CNTLN: variants seen among roughly 807,000 people sequenced by gnomAD.
The protein encoded by CNTLN is centlein, centrosomal protein.
In CNTLN, 212 loss-of-function variants were observed where a neutral mutation model predicts 180.0. The observed-to-expected ratio is 1.18, with a 90% confidence interval of 1.05 to 1.32. The LOEUF (loss-of-function observed/expected upper bound fraction) is 1.32. Ranked by LOEUF, CNTLN falls within the 40% of genes most tolerant of loss-of-function variation. CNTLN has a pLI of 0.00. For missense variants in CNTLN, 2,095 were observed against 1,610.9 expected, an observed-to-expected ratio of 1.30 and a Z score of -5.14; for synonymous variants, 722 against 563.1, an observed-to-expected ratio of 1.28 and a Z score of -3.99.
intron 2 of CNTLN, among the ~76,000 whole-genome samples, chr9:17,203,784 C>G (rs1822722558): frequency 6.6e-6 from 1 of 152,164 alleles, no homozygotes; most frequent in Non-Finnish European, 1.5e-5. Flanking sequence ...GTCTTGATCT[C>G]CGGACCTCGT....
At chr9:17,184,702 T>G (rs111331091) in intron 2 of CNTLN, among the ~76,000 whole-genome samples, 3,176 of 152,272 alleles carry the variant, frequency 0.021, 79 homozygotes, top group African/African-American at 0.057. Context: ...CTAGCATAAT[T>G]GCTATTGCAG....
At chr9:17,223,505 C>T (rs1169984462) in intron 2 of CNTLN, among the ~76,000 whole-genome samples, 2 of 151,992 alleles carry the variant, frequency 1.3e-5, no homozygotes, top group Non-Finnish European at 2.9e-5. Flanking sequence ...CTCCATTCTT[C>T]CAGTTGTGTA....
intron 25 of CNTLN, 139 bp downstream of exon 25, chr9:17,487,205 A>G: frequency 1.5e-6 from 1 of 673,274 alleles, no homozygotes; most frequent in South Asian, 1.7e-5. Context: ...CAATAGGTAG[A>G]AAGGAAAGTT....
chr9:17,365,876 G>A (rs1490436744), intron 12 of CNTLN, among the ~76,000 whole-genome samples: 2 of 152,256 alleles, frequency 1.3e-5, no homozygotes, highest in East Asian at 1.9e-4. Context: ...AGCCTGGGAG[G>A]TAGGGGCTGC....
intron 18 of CNTLN, among the ~76,000 whole-genome samples, chr9:17,418,491 A>G (rs969630128): frequency 1.3e-5 from 2 of 151,996 alleles, no homozygotes; most frequent in Non-Finnish European, 2.9e-5. Context: ...TCTACTGGGA[A>G]ATTTTTCAGG....
At chr9:17,482,771 A>G (rs1465906004) in intron 23 of CNTLN, among the ~76,000 whole-genome samples, 1 of 152,214 alleles carries the variant, frequency 6.6e-6, no homozygotes, top group Non-Finnish European at 1.5e-5. Flanking sequence ...GGAACAGAAT[A>G]GAAAGTTCAG....
intron 12 of CNTLN, among the ~76,000 whole-genome samples, chr9:17,359,748 A>AAAAAAAAAAAAAAAAAG (rs1319122261): frequency 7.4e-6 from 1 of 134,752 alleles, no homozygotes; most frequent in Non-Finnish European, 1.6e-5. Flanking sequence ...AAAAAAAAAA[A>AAAAAAAAAAAAAAAAAG]AACTAGCTGG....
At chr9:17,261,306 C>T (rs781258599) in intron 5 of CNTLN, among the ~76,000 whole-genome samples, 2 of 151,442 alleles carry the variant, frequency 1.3e-5, no homozygotes, top group Non-Finnish European at 2.9e-5. Context: ...AATCCATGAG[C>T]ATGGCATATT....
intron 2 of CNTLN, among the ~76,000 whole-genome samples, chr9:17,149,815 C>T (rs1478348240): frequency 6.6e-6 from 1 of 152,078 alleles, no homozygotes; most frequent in Non-Finnish European, 1.5e-5. Flanking sequence ...CTGCACCTGG[C>T]CTGTTTCCTG....
intron 2 of CNTLN, among the ~76,000 whole-genome samples, chr9:17,210,541 T>C (rs1587159836): frequency 6.6e-6 from 1 of 152,348 alleles, no homozygotes; most frequent in East Asian, 1.9e-4. Context: ...CATGTGTCTT[T>C]ATAGTAGAAT....
chr9:17,201,257 G>A (rs1440830782), intron 2 of CNTLN, among the ~76,000 whole-genome samples: 3 of 152,092 alleles, frequency 2.0e-5, no homozygotes, highest in South Asian at 2.1e-4. Flanking sequence ...GAGGATTTTC[G>A]TATTGATGTT....
At chr9:17,277,780 T>G (rs4375098) in intron 6 of CNTLN, among the ~76,000 whole-genome samples, 1 of 151,820 alleles carries the variant, frequency 6.6e-6, no homozygotes, top group East Asian at 1.9e-4. Context: ...AGGTATGAAG[T>G]GCACATATAA....
chr9:17,349,788 G>C (rs1822210481), intron 12 of CNTLN, among the ~76,000 whole-genome samples: 1 of 152,156 alleles, frequency 6.6e-6, no homozygotes, highest in Admixed American at 6.5e-5. Flanking sequence ...GGTTCCTTCA[G>C]TATTTAATGA....
chr9:17,527,811 C>T, the CNTLN span, among the ~76,000 whole-genome samples: 1 of 151,794 alleles, frequency 6.6e-6, no homozygotes, highest in Non-Finnish European at 1.5e-5. Context: ...TTGTGTAGTG[C>T]CAGAAGGTAA....
chr9:17,330,020 A>G (rs1478892647), intron 8 of CNTLN, among the ~76,000 whole-genome samples: 1 of 152,044 alleles, frequency 6.6e-6, no homozygotes, highest in Non-Finnish European at 1.5e-5. Context: ...GTTTTCATGA[A>G]CAGGTTTCCT....
intron 2 of CNTLN, among the ~76,000 whole-genome samples, chr9:17,177,267 G>C (rs1232169719): frequency 6.6e-6 from 1 of 152,050 alleles, no homozygotes; most frequent in African/African-American, 2.4e-5. Flanking sequence ...AAATTAGCCT[G>C]GCGTGGTGGC....
intron 7 of CNTLN, chr9:17,301,057 TC>T: frequency 4.1e-6 from 4 of 985,398 alleles, no homozygotes; most frequent in Non-Finnish European, 4.8e-6. Flanking sequence ...GGGGGCCTGT[TC>T]CAAGACTAAG....
the CNTLN span, among the ~76,000 whole-genome samples, chr9:17,526,269 A>T: frequency 1.1e-4 from 16 of 152,330 alleles, no homozygotes; most frequent in East Asian, 3.1e-3. Context: ...CCCTACTCAA[A>T]ATAGCCAAAA....
chr9:17,322,421 TCTGCTATAAAAAGAAGG>T (rs1819981903), intron 8 of CNTLN, among the ~76,000 whole-genome samples: 1 of 152,100 alleles, frequency 6.6e-6, no homozygotes, highest in Non-Finnish European at 1.5e-5. Flanking sequence ...ATAAACCATT[TCTGCTATAAAAAGAAGG>T]CTGCCAATAG....
Sources: gnomAD v4.1 joint callset for allele counts (sites outside exome capture counted in the v4.1 genomes callset) on GRCh38, gnomAD v4.1.1 for gene constraint, MANE v1.5 for transcripts, NCBI Gene and HGNC (gene_info 2026-07-23, HGNC 2026-07-21) for gene names.